STARD13: variants seen among roughly 807,000 people sequenced by gnomAD.
STARD13 encodes stAR-related lipid transfer protein 13.
STARD13 carries 62 observed loss-of-function variants against 106.4 expected under a neutral mutation model. That is an observed-to-expected ratio of 0.58 (90% confidence interval 0.48 to 0.72). The LOEUF (loss-of-function observed/expected upper bound fraction) is 0.72, where lower values mean the gene tolerates loss of function less well. Among genes scored for constraint, STARD13 ranks in the 30% least tolerant of loss-of-function variants. STARD13 has a pLI of 0.00. For synonymous variants in STARD13, 565 were observed against 553.0 expected (o/e 1.02, Z -0.31); for missense variants, 1,387 against 1,424.0 (o/e 0.97, Z 0.42).
chr13:33,567,372 C>A, the STARD13 span, among the ~76,000 whole-genome samples: 5 of 148,312 alleles, frequency 3.4e-5, no homozygotes, highest in African/African-American at 9.9e-5. Context: ...CAAAATAGAA[C>A]TTACACCAAC....
the STARD13 span, among the ~76,000 whole-genome samples, chr13:33,660,990 T>C: frequency 5.9e-4 from 90 of 152,312 alleles, no homozygotes; most frequent in East Asian, 0.016. Flanking sequence ...AAACAGCAAA[T>C]AAATTTTTAT....
At chr13:33,260,293 A>G (rs140714520) in intron 1 of STARD13, among the ~76,000 whole-genome samples, 17 of 152,372 alleles carry the variant, frequency 1.1e-4, no homozygotes, top group Non-Finnish European at 1.6e-4. Context: ...ACCTTATCGT[A>G]GCATCTTTCG....
intron 1 of STARD13, among the ~76,000 whole-genome samples, chr13:33,231,855 G>A (rs545503466): frequency 4.6e-5 from 7 of 152,050 alleles, no homozygotes; most frequent in Non-Finnish European, 1.0e-4. Context: ...TCATCCCTTG[G>A]TATCCACAGG....
chr13:33,543,062 C>T, the STARD13 span, among the ~76,000 whole-genome samples: 1 of 152,236 alleles, frequency 6.6e-6, no homozygotes, highest in Non-Finnish European at 1.5e-5. Flanking sequence ...TGTTCTTTCT[C>T]TAGTTTTAAG....
the STARD13 span, among the ~76,000 whole-genome samples, chr13:33,519,305 TTCTTTC>T: frequency 2.0e-5 from 2 of 102,322 alleles, no homozygotes; most frequent in Admixed American, 9.4e-5. Flanking sequence ...CTCTCTCTCT[TTCTTTC>T]TCTCTCTCTC....
intron 3 of STARD13, among the ~76,000 whole-genome samples, chr13:33,156,092 G>A (rs149807997): frequency 0.011 from 1,635 of 152,302 alleles, 36 homozygotes; most frequent in African/African-American, 0.034. Context: ...ATTTCCATGG[G>A]TAAGGGCATC....
the STARD13 span, among the ~76,000 whole-genome samples, chr13:33,433,369 T>C: frequency 1.3e-5 from 2 of 152,214 alleles, no homozygotes; most frequent in African/African-American, 4.8e-5. Flanking sequence ...TGTTCAGGTC[T>C]AGCTTCCTTC....
chr13:33,157,915 G>A (rs1882173763), intron 3 of STARD13, among the ~76,000 whole-genome samples: 2 of 152,124 alleles, frequency 1.3e-5, no homozygotes, highest in African/African-American at 4.8e-5. Context: ...GCTCACCTAG[G>A]TACTTAGATT....
Position 33,157,651 on chromosome 13 carries a change from C to G in STARD13, c.323+7686G>C, listed in dbSNP as rs145813269. Among the ~76,000 whole-genome samples the G allele has an allele frequency of 4.6e-5, 7 of 152,268 alleles. No homozygotes were observed. In the East Asian group the frequency reaches 1.2e-3, roughly 25 times the overall value. On this transcript the variant is annotated intron_variant, in intron 3 of 13. Transcript: ENST00000336934. ...CACCACTGCACTCCAGCCTGGGTGA[C>G]AGAGTGAGACTCTGCCTAAAAACAA...
intron 3 of STARD13, among the ~76,000 whole-genome samples, chr13:33,147,796 AC>A (rs1566024869): frequency 6.6e-6 from 1 of 152,230 alleles, no homozygotes. Flanking sequence ...AAACTGGAGG[AC>A]TGACACTATC....
chr13:33,670,503 A>T, the STARD13 span, among the ~76,000 whole-genome samples: 1 of 152,338 alleles, frequency 6.6e-6, no homozygotes, highest in East Asian at 1.9e-4. Context: ...ACTTATGATT[A>T]TGAACCAAAA....
intron 1 of STARD13, among the ~76,000 whole-genome samples, chr13:33,341,120 G>A (rs1223902681): frequency 6.6e-6 from 1 of 152,158 alleles, no homozygotes; most frequent in South Asian, 2.1e-4. Context: ...AATTTTACAA[G>A]CTTGCTAAAC....
chr13:33,504,082 G>T, the STARD13 span, among the ~76,000 whole-genome samples: 1 of 152,186 alleles, frequency 6.6e-6, no homozygotes, highest in South Asian at 2.1e-4. Flanking sequence ...TTAGAATGGC[G>T]ATCATTAAAA....
At chr13:33,382,726 T>C in the STARD13 span, among the ~76,000 whole-genome samples, 1 of 152,222 alleles carries the variant, frequency 6.6e-6, no homozygotes, top group African/African-American at 2.4e-5. Context: ...TGGTAACAAA[T>C]AGGCTATCTT....
At chr13:33,179,583 A>T (rs1249975661) in intron 1 of STARD13, among the ~76,000 whole-genome samples, 1 of 152,190 alleles carries the variant, frequency 6.6e-6, no homozygotes, top group East Asian at 1.9e-4. Flanking sequence ...TATTTATTCA[A>T]CAGACACCTG....
chr13:33,407,722 A>T, the STARD13 span, among the ~76,000 whole-genome samples: 4 of 152,212 alleles, frequency 2.6e-5, no homozygotes, highest in African/African-American at 4.8e-5. Flanking sequence ...CACAGCCAGG[A>T]GCTGCTTAGA....
chr13:33,197,703 A>G (rs1886733240), intron 1 of STARD13, among the ~76,000 whole-genome samples: 2 of 152,210 alleles, frequency 1.3e-5, no homozygotes, highest in South Asian at 4.1e-4. Context: ...TGGTAGAACC[A>G]ACACCCTGCT....
chr13:33,448,804 A>G, the STARD13 span, among the ~76,000 whole-genome samples: 1 of 152,146 alleles, frequency 6.6e-6, no homozygotes, highest in East Asian at 1.9e-4. Context: ...CATTCTAACC[A>G]GAATGAAGTG....
At chr13:33,251,504 T>C (rs2555595) in intron 1 of STARD13, among the ~76,000 whole-genome samples, 28,708 of 152,172 alleles carry the variant, frequency 0.19, 2,922 homozygotes, top group South Asian at 0.31. Context: ...CAAGCCTGAA[T>C]AGCCACTAAT....
Sources: allele counts gnomAD v4.1 joint callset (sites outside exome capture counted in the v4.1 genomes callset), GRCh38; gene constraint gnomAD v4.1.1; transcripts MANE v1.5; gene names NCBI Gene and HGNC (gene_info 2026-07-23, HGNC 2026-07-21).